The following PCDH15 variants were observed in gnomAD, a reference collection of about 807,000 sequenced individuals.
The protein encoded by PCDH15 is protocadherin related 15.
Under a neutral mutation model 178.5 loss-of-function variants are expected in PCDH15, and 129 were observed. That is an observed-to-expected ratio of 0.72 (90% CI 0.63 to 0.84). The LOEUF is 0.84. Ranked by LOEUF, PCDH15 falls within the 40% of genes least tolerant of loss-of-function variation. The pLI is 0.00. For missense variants in PCDH15, 2,230 were observed against 2,099.9 expected (o/e 1.06, Z -1.21); for synonymous variants, 800 against 732.0 (o/e 1.09, Z -1.50).
intron 1 of PCDH15, among the ~76,000 whole-genome samples, chr10:54,762,754 T>C (rs990961051): frequency 6.6e-6 from 1 of 152,128 alleles, no homozygotes; most frequent in Non-Finnish European, 1.5e-5. Flanking sequence ...TGCTTAAGCA[T>C]TTTAGCTAGC....
chr10:54,718,491 C>T (rs964600161), intron 1 of PCDH15, among the ~76,000 whole-genome samples: 2 of 151,808 alleles, frequency 1.3e-5, no homozygotes, highest in African/African-American at 4.8e-5. Flanking sequence ...CTGAAAGCAC[C>T]CAGAACCAAA....
intron 5 of PCDH15, among the ~76,000 whole-genome samples, chr10:54,364,030 T>C (rs1228402327): frequency 2.0e-5 from 3 of 151,904 alleles, no homozygotes; most frequent in African/African-American, 7.3e-5. Flanking sequence ...CTGACCAACA[T>C]GGAGAAAACC....
At chr10:53,888,282 C>CTATATATATATATA (rs201647527) in intron 26 of PCDH15, among the ~76,000 whole-genome samples, 18,987 of 94,796 alleles carry the variant, frequency 0.2, 2,731 homozygotes, top group East Asian at 0.7. Context: ...CATTCCAACA[C>CTATATATATATATA]TATATATACA....
intron 10 of PCDH15, among the ~76,000 whole-genome samples, chr10:54,201,797 G>A (rs1360792286): frequency 2.6e-5 from 4 of 152,142 alleles, no homozygotes; most frequent in Non-Finnish European, 4.4e-5. Context: ...TAATGTGAAT[G>A]TACAACATGA....
chr10:55,366,613 T>C (rs1388278589), intron 2 of PCDH15, among the ~76,000 whole-genome samples: 2 of 152,172 alleles, frequency 1.3e-5, no homozygotes, highest in Non-Finnish European at 2.9e-5. Context: ...AAGAAAATAC[T>C]TCGACAGAAG....
intron 1 of PCDH15, among the ~76,000 whole-genome samples, chr10:54,724,249 AACTAGAGG>A (rs753095526): frequency 1.2e-3 from 131 of 113,816 alleles, no homozygotes; most frequent in Admixed American, 3.1e-3. Context: ...ACTTGGATGG[AACTAGAGG>A]TCATTATCCT....
intron 1 of PCDH15, among the ~76,000 whole-genome samples, chr10:54,731,435 G>C (rs1035905930): frequency 6.7e-6 from 1 of 149,352 alleles, no homozygotes; most frequent in Non-Finnish European, 1.5e-5. Context: ...CAAAAAGGCA[G>C]TATATTGAAG....
chr10:55,445,047 A>C (rs1839284876), intron 2 of PCDH15, among the ~76,000 whole-genome samples: 1 of 152,166 alleles, frequency 6.6e-6, no homozygotes, highest in Non-Finnish European at 1.5e-5. Flanking sequence ...TTGACTGGAA[A>C]ATTAAATATG....
chr10:54,010,784 G>A (rs1160321989), intron 20 of PCDH15, among the ~76,000 whole-genome samples: 1 of 152,060 alleles, frequency 6.6e-6, no homozygotes, highest in African/African-American at 2.4e-5. Flanking sequence ...TGTTTCCCGT[G>A]AGCCCCCACC....
intron 3 of PCDH15, among the ~76,000 whole-genome samples, chr10:54,810,737 C>T (rs772960769): frequency 1.3e-5 from 2 of 151,692 alleles, no homozygotes; most frequent in Non-Finnish European, 2.9e-5. Flanking sequence ...TTATTTTTCT[C>T]CTGATAGAAA....
chr10:55,005,602 A>G (rs11004668), intron 2 of PCDH15, among the ~76,000 whole-genome samples: 5,727 of 152,128 alleles, frequency 0.038, 163 homozygotes, highest in African/African-American at 0.064. Flanking sequence ...CAGCTACTGC[A>G]ACTGTATTTT....
rs1412806029 is a variant in PCDH15 at position 54,250,077 on chromosome 10, C to CTATTTTTTTT, written c.877-13147_877-13146insAAAAAAAATA. Among the ~76,000 whole-genome samples the CTATTTTTTTT allele has an allele frequency of 2.8e-3, 382 of 137,796 alleles. 6 individuals are homozygous for CTATTTTTTTT. Among genetic ancestry groups the CTATTTTTTTT allele is most frequent in the African/African-American group, 9.7e-3 (357 of 36,972 alleles). The allele number at this position is 137,796 out of a possible 152,430, so 90.4% of individuals were successfully genotyped here. On this transcript the variant is annotated intron_variant, in intron 8 of 37. Transcript: ENST00000644397. ...TACAGGTGCATGCCACCACATCCGG[C>CTATTTTTTTT]TTTTTTTTTTTTTGTATTATTGGTT...
chr10:55,254,516 G>T (rs943515975), intron 1 of PCDH15, among the ~76,000 whole-genome samples: 3 of 152,102 alleles, frequency 2.0e-5, no homozygotes, highest in African/African-American at 7.2e-5. Flanking sequence ...ACAGACCAAA[G>T]CAAAAGAGGA....
At chr10:54,437,318 C>T (rs180778941) in intron 3 of PCDH15, among the ~76,000 whole-genome samples, 3 of 152,190 alleles carry the variant, frequency 2.0e-5, no homozygotes, top group African/African-American at 7.2e-5. Flanking sequence ...TCAAGTAGAA[C>T]ATTCAGCCAA....
rs111370910 is a variant in PCDH15 at position 55,004,134 on chromosome 10, C to T, written c.-79-106634G>A. Among the ~76,000 whole-genome samples, 551 of 152,234 alleles carry T rather than the reference C, an allele frequency of 3.6e-3. 5 individuals are homozygous for T. Among genetic ancestry groups the T allele is most frequent in the African/African-American group, 0.012 (494 of 41,540 alleles). On this transcript the variant is annotated intron_variant, in intron 2 of 5. Transcript: ENST00000458638. ...GTAGGTTTATCCAGCTGTGATTTGT[C>T]TTTGGTGGAAGTGGGGGAATGGAGA...
chr10:53,951,733 T>G (rs2087073612), intron 23 of PCDH15, among the ~76,000 whole-genome samples: 1 of 152,204 alleles, frequency 6.6e-6, no homozygotes, highest in Admixed American at 6.5e-5. Context: ...CATGAATTTT[T>G]TTCAGGCCTA....
chr10:54,299,461 A>T (rs2060018718), intron 8 of PCDH15, among the ~76,000 whole-genome samples: 1 of 152,222 alleles, frequency 6.6e-6, no homozygotes, highest in Admixed American at 6.5e-5. Context: ...ATTGATAATT[A>T]AGGGTCTTCT....
At chr10:53,977,477 T>G (rs2090280309) in intron 21 of PCDH15, among the ~76,000 whole-genome samples, 1 of 152,176 alleles carries the variant, frequency 6.6e-6, no homozygotes, top group East Asian at 1.9e-4. Context: ...TCAGTAACAC[T>G]TACGTGTATG....
intron 15 of PCDH15, among the ~76,000 whole-genome samples, chr10:54,099,506 A>AAAAAAG (rs2094766396): frequency 7.5e-6 from 1 of 133,952 alleles, no homozygotes; most frequent in Admixed American, 7.6e-5. Flanking sequence ...CTCAAAAAAA[A>AAAAAAG]AAAAAAAATA....
Sources: gnomAD v4.1 joint callset for allele counts (sites outside exome capture counted in the v4.1 genomes callset) on GRCh38, gnomAD v4.1.1 for gene constraint, MANE v1.5 for transcripts, NCBI Gene and HGNC (gene_info 2026-07-23, HGNC 2026-07-21) for gene names.